Variants in EMCN observed in about 807,000 individuals in gnomAD.
EMCN encodes the protein endomucin, also known as MUC-14.
In EMCN, 37 loss-of-function variants were observed where a neutral mutation model predicts 38.4. That is an observed-to-expected ratio of 0.96 (90% confidence interval 0.74 to 1.27). The LOEUF (loss-of-function observed/expected upper bound fraction) is 1.27. Among genes scored for constraint, EMCN ranks in the 50% most tolerant of loss-of-function variants. EMCN has a pLI of 0.00. For synonymous variants in EMCN, 95 were observed against 100.8 expected, an observed-to-expected ratio of 0.94 and a Z score of 0.35; for missense variants, 318 against 302.8, an observed-to-expected ratio of 1.05 and a Z score of -0.37.
intron 1 of EMCN, among the ~76,000 whole-genome samples, chr4:100,493,768 C>A (rs1729144969): frequency 6.6e-6 from 1 of 152,120 alleles, no homozygotes; most frequent in African/African-American, 2.4e-5. Context: ...GGGGACCACT[C>A]CTCTGTGGAT....
intron 1 of EMCN, among the ~76,000 whole-genome samples, chr4:100,486,256 A>C (rs1378830860): frequency 3.3e-5 from 5 of 152,210 alleles, no homozygotes; most frequent in African/African-American, 1.2e-4. Context: ...AGATAACTGA[A>C]CACAACAGGG....
chr4:100,451,410 A>G (rs1727835955), intron 4 of EMCN, among the ~76,000 whole-genome samples: 1 of 151,888 alleles, frequency 6.6e-6, no homozygotes, highest in Admixed American at 6.6e-5. Flanking sequence ...GGAATAAAAA[A>G]TATACAAATG....
At chr4:100,408,881 A>T (rs2110208496) in intron 11 of EMCN, among the ~76,000 whole-genome samples, 1 of 152,296 alleles carries the variant, frequency 6.6e-6, no homozygotes, top group East Asian at 1.9e-4. Context: ...AGGGCAGGGG[A>T]AGGCAGTCTT....
chr4:100,496,414 T>C (rs559240079), intron 1 of EMCN, among the ~76,000 whole-genome samples: 1 of 152,300 alleles, frequency 6.6e-6, no homozygotes, highest in Admixed American at 6.5e-5. Flanking sequence ...TGTGGTTTAA[T>C]CTCCAGAAAT....
chr4:100,445,068 C>T (rs1048342362), intron 5 of EMCN, among the ~76,000 whole-genome samples: 1 of 152,126 alleles, frequency 6.6e-6, no homozygotes, highest in Admixed American at 6.6e-5. Flanking sequence ...AAGGTGTTTC[C>T]TCCTGTTTCC....
At position 100,430,542 on chromosome 4, in the gene EMCN, T is replaced by C. The variant is rs184034849; in HGVS notation, c.416-7138A>G. Among the ~76,000 whole-genome samples, 44 of 152,280 alleles carry C rather than the reference T, an allele frequency of 2.9e-4. No individual in the cohort carries two copies. The South Asian group carries it at 3.7e-3, about 13-fold the overall frequency. ...TATTCCTAATATAGTAAATAAAGCGTGTCGTAGAGTTCATTGGAGAACCAT... is the reference window on the plus strand; with the variant it reads ...TATTCCTAATATAGTAAATAAAGCGCGTCGTAGAGTTCATTGGAGAACCAT... On this transcript the variant is annotated intron_variant, in intron 5 of 11. Transcript: ENST00000296420.
At position 100,460,785 on chromosome 4, in the gene EMCN, G is replaced by C. The variant is rs148340447; in HGVS notation, c.376+4638C>G. Reference sequence around the variant, plus strand: ...TGATTGTTTCCTTTTCTGCACTGAAGCCTTTTCATTTGATACAATCTCATT... The same window carrying C: ...TGATTGTTTCCTTTTCTGCACTGAACCCTTTTCATTTGATACAATCTCATT... On this transcript the variant is annotated intron_variant, in intron 4 of 11. Coordinates refer to ENST00000296420, the MANE Select transcript of EMCN (RefSeq NM_016242.4). Among the ~76,000 whole-genome samples the C allele has an allele frequency of 1.5e-3, 233 of 152,262 alleles. 4 individuals carry two copies. The South Asian group carries it at 0.031, about 20-fold the overall frequency.
At chr4:100,501,707 T>C (rs1456310906) in intron 1 of EMCN, among the ~76,000 whole-genome samples, 2 of 152,174 alleles carry the variant, frequency 1.3e-5, no homozygotes, top group African/African-American at 2.4e-5. Flanking sequence ...ACATCTTTTA[T>C]TATAATTATT....
At chr4:100,458,067 G>C (rs1167395843) in intron 4 of EMCN, among the ~76,000 whole-genome samples, 1 of 151,856 alleles carries the variant, frequency 6.6e-6, no homozygotes, top group Non-Finnish European at 1.5e-5. Flanking sequence ...AGTGAGCCGA[G>C]ATTGTGCCAC....
chr4:100,497,829 G>A lies in EMCN; in HGVS notation c.65-17790C>T, dbSNP rs192541878. Among the ~76,000 whole-genome samples, 84 of 151,956 alleles carry A rather than the reference G, an allele frequency of 5.5e-4. 1 individual carries two copies. In the South Asian group the frequency reaches 8.1e-3, roughly 15 times the overall value. The stretch of plus-strand genomic sequence containing the variant: ...AAAATATAAAGTAAAAAACAAAAGA[G>A]CAAAAAAGATACATAAAAATTTAGT... On this transcript the variant is annotated intron_variant, in intron 1 of 11. Transcript: ENST00000296420.
intron 5 of EMCN, among the ~76,000 whole-genome samples, chr4:100,439,845 A>C (rs538804387): frequency 6.6e-6 from 1 of 151,894 alleles, no homozygotes; most frequent in Non-Finnish European, 1.5e-5. Context: ...TGTTTGTCTC[A>C]AGATATTTTT....
chr4:100,448,701 C>T (rs946357589), intron 4 of EMCN, among the ~76,000 whole-genome samples: 4 of 152,166 alleles, frequency 2.6e-5, no homozygotes, highest in African/African-American at 9.7e-5. Flanking sequence ...TGCTCCTCAA[C>T]TCATCTCCAA....
intron 3 of EMCN, among the ~76,000 whole-genome samples, chr4:100,471,816 G>A (rs1728488219): frequency 6.6e-6 from 1 of 151,846 alleles, no homozygotes; most frequent in African/African-American, 2.4e-5. Context: ...AACAAAATAA[G>A]GAATTTTTTA....
chr4:100,517,802 A>G, intron 1 of EMCN, 49 bp downstream of exon 1: 1 of 1,558,362 alleles, frequency 6.4e-7, no homozygotes, highest in Non-Finnish European at 8.9e-7. Flanking sequence ...TGAGTCACCT[A>G]CTAGTGATTT....
At chr4:100,411,320 G>C (rs939047505) in intron 10 of EMCN, among the ~76,000 whole-genome samples, 1 of 152,102 alleles carries the variant, frequency 6.6e-6, no homozygotes, top group African/African-American at 2.4e-5. Context: ...TGTTCGTTTT[G>C]CAGAAGACAC....
intron 1 of EMCN, among the ~76,000 whole-genome samples, chr4:100,501,750 A>G (rs1031052540): frequency 2.6e-5 from 4 of 152,002 alleles, no homozygotes; most frequent in Admixed American, 6.6e-5. Context: ...CGTAAATGGC[A>G]TATTGCTACA....
intron 9 of EMCN, 49 bp from the exon 10 acceptor site, chr4:100,416,008 T>C (rs374122166): frequency 9.3e-5 from 114 of 1,230,650 alleles, no homozygotes; most frequent in Non-Finnish European, 1.3e-4. Flanking sequence ...ATCAGCATTG[T>C]ATGTTTGTGA....
rs115725288 is a variant in EMCN, at chr4:100,505,664, A to G, written c.64+12187T>C. 2.5e-3 allele frequency among the ~76,000 whole-genome samples: 377 copies of G among 152,252 alleles called. 5 individuals are homozygous for G. Among genetic ancestry groups the G allele is most frequent in the African/African-American group, 8.5e-3 (355 of 41,536 alleles). ...ACCATTCAGCAGTTGGGCTTTAACT[A>G]TCTCCCAGACTGTGAGCACAGCTTA... On this transcript the variant is annotated intron_variant, in intron 1 of 11. Transcript: ENST00000296420.
intron 5 of EMCN, among the ~76,000 whole-genome samples, chr4:100,434,066 A>G (rs1727279773): frequency 6.6e-6 from 1 of 152,144 alleles, no homozygotes; most frequent in Non-Finnish European, 1.5e-5. Flanking sequence ...AAAACCTTCA[A>G]TAAATCAATG....
Sources: allele counts gnomAD v4.1 joint callset (sites outside exome capture counted in the v4.1 genomes callset), GRCh38; gene constraint gnomAD v4.1.1; transcripts MANE v1.5; gene names NCBI Gene and HGNC (gene_info 2026-07-23, HGNC 2026-07-21).